Variants in SASH1 observed in about 807,000 individuals in gnomAD.
SASH1 encodes the protein SAM and SH3 domain containing 1.
In SASH1, 44 loss-of-function variants were observed where a neutral mutation model predicts 125.2. The observed-to-expected ratio is 0.35, with a 90% CI of 0.28 to 0.45. The LOEUF (loss-of-function observed/expected upper bound fraction) is 0.45, where lower values mean the gene tolerates loss of function less well. Among genes scored for constraint, SASH1 ranks in the 20% least tolerant of loss-of-function variants. SASH1 has a pLI of 1.00. For missense variants in SASH1, 1,426 were observed against 1,614.5 expected, an observed-to-expected ratio of 0.88 and a Z score of 2.00; for synonymous variants, 639 against 649.1, an observed-to-expected ratio of 0.98 and a Z score of 0.24.
chr6:148,357,347 T>C (rs746618425), intron 1 of SASH1, among the ~76,000 whole-genome samples: 1 of 152,188 alleles, frequency 6.6e-6, no homozygotes, highest in Non-Finnish European at 1.5e-5. Flanking sequence ...ATTTTAGACT[T>C]CCAAACTCAT....
rs138495912 is a variant in SASH1, at chr6:148,493,238, T to A, written c.729+5523T>A. 2.3e-3 allele frequency among the ~76,000 whole-genome samples: 355 copies of A among 152,312 alleles called. 4 individuals carry two copies. The highest frequency in any genetic ancestry group is 8.1e-3 in the African/African-American group (337 of 41,570). On this transcript the variant is annotated intron_variant, in intron 8 of 19. Coordinates refer to ENST00000367467, the MANE Select transcript of SASH1 (RefSeq NM_015278.5). Reference sequence around the variant, plus strand: ...ACCACCATCACCACTGAAGTTTGCTTGAACTTGATTGTAATCCTAAGGTAT... The same window carrying A: ...ACCACCATCACCACTGAAGTTTGCTAGAACTTGATTGTAATCCTAAGGTAT...
intron 1 of SASH1, chr6:148,278,635 T>G (rs1051497017): frequency 3.3e-5 from 5 of 152,152 alleles, no homozygotes; most frequent in Non-Finnish European, 5.9e-5. Context: ...CTTTCAAGTA[T>G]ACAAAACAAT....
Position 148,324,324 on chromosome 6 carries a change from A to G in SASH1, n.74+51947A>G, listed in dbSNP as rs1290032895. On this transcript the variant is annotated intron_variant and non_coding_transcript_variant, in intron 1 of 3. Transcript: ENST00000367469. The stretch of plus-strand genomic sequence containing the variant: ...TTATCCATGAGCTGTGGACATGGTT[A>G]TTCCAAAAACAGTTAAAATTCCACA... Among the ~76,000 whole-genome samples the G allele has an allele frequency of 2.0e-5, 3 of 152,094 alleles. No homozygotes were observed. In the East Asian group the frequency reaches 5.8e-4, roughly 29 times the overall value.
Position 148,310,098 on chromosome 6 carries a change from G to C in SASH1, n.74+37721G>C, listed in dbSNP as rs201906671. 1.9e-4 allele frequency among the ~76,000 whole-genome samples: 29 copies of C among 152,270 alleles called. No individual in the cohort carries two copies. In the East Asian group the frequency reaches 5.6e-3, roughly 29 times the overall value. On this transcript the variant is annotated intron_variant and non_coding_transcript_variant, in intron 1 of 3. Coordinates refer to the SASH1 transcript ENST00000367469. Reference sequence around the variant, plus strand: ...GCGCTTTGGGAAGCCGAGGAGGGTGGATCACCGGAGATCAGGAGTTTGAGA... The same window carrying C: ...GCGCTTTGGGAAGCCGAGGAGGGTGCATCACCGGAGATCAGGAGTTTGAGA...
At chr6:148,289,513 A>ATC (rs1200962534) in intron 1 of SASH1, among the ~76,000 whole-genome samples, 4 of 152,092 alleles carry the variant, frequency 2.6e-5, no homozygotes, top group African/African-American at 9.7e-5. Flanking sequence ...TCTCTGGTGG[A>ATC]TTTGTCTGGA....
chr6:148,279,024 G>C (rs530851977), intron 1 of SASH1, among the ~76,000 whole-genome samples: 6 of 151,060 alleles, frequency 4.0e-5, no homozygotes, highest in African/African-American at 1.2e-4. Flanking sequence ...GCAGAGTCTC[G>C]CTCTGTTGCC....
At chr6:148,493,302 G>C (rs1779187103) in intron 8 of SASH1, among the ~76,000 whole-genome samples, 1 of 152,142 alleles carries the variant, frequency 6.6e-6, no homozygotes, top group Admixed American at 6.5e-5. Context: ...GCTTTAGCCT[G>C]TTCTGCATTT....
At chr6:148,234,105 A>G in the SASH1 span, among the ~76,000 whole-genome samples, 3 of 151,796 alleles carry the variant, frequency 2.0e-5, no homozygotes, top group African/African-American at 7.3e-5. Flanking sequence ...TGGTGCCCTC[A>G]TAGATCACTG....
chr6:148,498,257 C>A lies in SASH1; in HGVS notation c.729+10542C>A, dbSNP rs1340992006. On this transcript the variant is annotated intron_variant, in intron 8 of 19. Transcript: ENST00000367467. ...AACAAAAAAAAAAAAACAAAAAAAA[C>A]AAATTTAGCTGGGCATAGTAGTGTG... 4.2e-4 allele frequency among the ~76,000 whole-genome samples: 63 copies of A among 148,934 alleles called. 1 individual carries two copies. The highest frequency in any genetic ancestry group is 2.6e-3 in the South Asian group (12 of 4,606).
the SASH1 span, among the ~76,000 whole-genome samples, chr6:148,198,656 T>C: frequency 4.6e-5 from 7 of 152,328 alleles, no homozygotes; most frequent in South Asian, 1.0e-3. Context: ...TGACAGGTCT[T>C]AGACAGGTTT....
chr6:148,511,433 C>T (rs1780131744), intron 8 of SASH1, among the ~76,000 whole-genome samples: 1 of 151,342 alleles, frequency 6.6e-6, no homozygotes, highest in African/African-American at 2.4e-5. Context: ...CCGCATCTAT[C>T]TTGTCTAGCG....
chr6:148,209,381 G>A, the SASH1 span, among the ~76,000 whole-genome samples: 77 of 152,256 alleles, frequency 5.1e-4, no homozygotes, highest in African/African-American at 1.8e-3. Flanking sequence ...ATGTGACTGC[G>A]TACCTCTACT....
intron 1 of SASH1, among the ~76,000 whole-genome samples, chr6:148,318,822 A>G (rs958091348): frequency 8.6e-5 from 13 of 152,044 alleles, no homozygotes; most frequent in African/African-American, 2.9e-4. Context: ...AAGTGCTGGG[A>G]TTACAGGCGT....
the SASH1 span, among the ~76,000 whole-genome samples, chr6:148,240,704 G>A: frequency 2.0e-4 from 31 of 152,206 alleles, no homozygotes; most frequent in Middle Eastern, 6.8e-3. Context: ...CACAGTATTC[G>A]CCAACTTGGA....
chr6:148,542,756 C>G (rs1342335248), intron 17 of SASH1, among the ~76,000 whole-genome samples: 2 of 152,128 alleles, frequency 1.3e-5, no homozygotes, highest in Non-Finnish European at 2.9e-5. Context: ...CCTACAAATG[C>G]ATAGCATGTT....
chr6:148,460,572 C>G (rs544329712), intron 4 of SASH1, among the ~76,000 whole-genome samples: 4 of 152,278 alleles, frequency 2.6e-5, no homozygotes, highest in South Asian at 2.1e-4. Context: ...TCGACGGACT[C>G]AAGCCATTTC....
chr6:148,540,665 G>A (rs910754114), intron 17 of SASH1, 109 bp downstream of exon 17: 36 of 812,802 alleles, frequency 4.4e-5, no homozygotes, highest in Middle Eastern at 4.5e-4. Context: ...AGCAATCATC[G>A]TTTCCTTTCT....
upstream of SASH1, among the ~76,000 whole-genome samples, chr6:148,269,489 C>T (rs76444866): frequency 0.04 from 6,065 of 152,198 alleles, 179 homozygotes; most frequent in East Asian, 0.15. Context: ...CAGGCTCAAG[C>T]GATCCTCTCA....
intron 7 of SASH1, among the ~76,000 whole-genome samples, chr6:148,481,442 G>T (rs1778615698): frequency 6.6e-6 from 1 of 152,068 alleles, no homozygotes; most frequent in Non-Finnish European, 1.5e-5. Context: ...GATGCAAAAG[G>T]CCTCGCTTTT....
Sources: gnomAD v4.1 joint callset for allele counts (sites outside exome capture counted in the v4.1 genomes callset) on GRCh38, gnomAD v4.1.1 for gene constraint, MANE v1.5 for transcripts, NCBI Gene and HGNC (gene_info 2026-07-23, HGNC 2026-07-21) for gene names.